Variants in MAF observed in about 807,000 individuals in gnomAD.
MAF encodes the protein transcription factor Maf.
In MAF, 10 loss-of-function variants were observed where a neutral mutation model predicts 22.0. That is an observed-to-expected ratio of 0.45 (90% CI 0.28 to 0.77). The LOEUF (loss-of-function observed/expected upper bound fraction) is 0.77. MAF is among the 30% of genes least tolerant of loss of function. MAF has a pLI of 0.12. For missense variants in MAF, 544 were observed against 548.4 expected, an observed-to-expected ratio of 0.99 and a Z score of 0.08; for synonymous variants, 337 against 255.8, an observed-to-expected ratio of 1.32 and a Z score of -3.03.
the MAF span, among the ~76,000 whole-genome samples, chr16:79,397,415 G>A: frequency 9.9e-5 from 15 of 152,270 alleles, no homozygotes; most frequent in African/African-American, 2.2e-4. Flanking sequence ...TAATGAAGTC[G>A]TGTGATATTT....
the MAF span, among the ~76,000 whole-genome samples, chr16:79,474,406 T>C: frequency 6.6e-6 from 1 of 152,170 alleles, no homozygotes; most frequent in African/African-American, 2.4e-5. Context: ...TGGTGAGAGA[T>C]GGCTGAGCAA....
the MAF span, among the ~76,000 whole-genome samples, chr16:79,264,002 G>C: frequency 2.0e-5 from 3 of 152,158 alleles, no homozygotes; most frequent in Non-Finnish European, 2.9e-5. Flanking sequence ...TGTGGCAAGA[G>C]AGCCCCAAGA....
chr16:79,400,467 C>G, the MAF span, among the ~76,000 whole-genome samples: 1 of 152,250 alleles, frequency 6.6e-6, no homozygotes, highest in African/African-American at 2.4e-5. Context: ...GCTCATAGCA[C>G]AGTGCCTGGC....
chr16:79,231,717 C>A, the MAF span, among the ~76,000 whole-genome samples: 1 of 152,010 alleles, frequency 6.6e-6, no homozygotes, highest in Non-Finnish European at 1.5e-5. Flanking sequence ...ACTGGTTTCA[C>A]GGAAGACAGT....
At chr16:79,428,494 GAGAGAGAC>G in the MAF span, among the ~76,000 whole-genome samples, 8 of 152,294 alleles carry the variant, frequency 5.3e-5, no homozygotes, top group South Asian at 2.1e-4. Flanking sequence ...CGAGGAGATA[GAGAGAGAC>G]AGAGAGACAG....
the MAF span, among the ~76,000 whole-genome samples, chr16:79,560,430 A>C: frequency 2.0e-5 from 3 of 152,072 alleles, no homozygotes; most frequent in Admixed American, 1.3e-4. Flanking sequence ...TGAAAAAAAA[A>C]AAACCTGAAC....
the MAF span, among the ~76,000 whole-genome samples, chr16:79,318,176 A>T: frequency 3.9e-5 from 6 of 152,214 alleles, no homozygotes; most frequent in African/African-American, 1.4e-4. Flanking sequence ...TCCTTGCCTT[A>T]TGAGACTCTT....
At chr16:79,438,412 T>C in the MAF span, among the ~76,000 whole-genome samples, 6 of 152,062 alleles carry the variant, frequency 3.9e-5, no homozygotes, top group Non-Finnish European at 7.4e-5. Context: ...AACTGGGGCA[T>C]GTGGGTAAGA....
At chr16:79,412,851 G>A in the MAF span, among the ~76,000 whole-genome samples, 1 of 152,334 alleles carries the variant, frequency 6.6e-6, no homozygotes, top group African/African-American at 2.4e-5. Context: ...TAATATGGGA[G>A]GAGGTGATCC....
At chr16:79,207,061 C>A in the MAF span, among the ~76,000 whole-genome samples, 1 of 152,142 alleles carries the variant, frequency 6.6e-6, no homozygotes, top group Non-Finnish European at 1.5e-5. Flanking sequence ...GTGGTTATAG[C>A]CTCTCCTGGG....
the MAF span, among the ~76,000 whole-genome samples, chr16:79,488,619 A>T: frequency 6.6e-6 from 1 of 152,114 alleles, no homozygotes; most frequent in Non-Finnish European, 1.5e-5. Context: ...TTTTATTATT[A>T]ATATTATTAC....
chr16:79,313,056 C>G, the MAF span, among the ~76,000 whole-genome samples: 1 of 152,120 alleles, frequency 6.6e-6, no homozygotes, highest in East Asian at 1.9e-4. Context: ...GTGAAGCAAC[C>G]TATGCACAGA....
chr16:79,419,698 G>T, the MAF span, among the ~76,000 whole-genome samples: 42 of 152,296 alleles, frequency 2.8e-4, no homozygotes, highest in East Asian at 7.5e-3. Context: ...TTTCATCACA[G>T]ATGCCACAAT....
chr16:79,511,351 A>C, the MAF span, among the ~76,000 whole-genome samples: 1 of 152,138 alleles, frequency 6.6e-6, no homozygotes, highest in African/African-American at 2.4e-5. Context: ...TATGTGATTT[A>C]AGAGAGAGAG....
chr16:79,353,735 G>C, the MAF span, among the ~76,000 whole-genome samples: 4 of 152,254 alleles, frequency 2.6e-5, no homozygotes, highest in African/African-American at 7.2e-5. Flanking sequence ...ATAGTATACA[G>C]TCTGCAGCCC....
At chr16:79,474,641 A>T in the MAF span, among the ~76,000 whole-genome samples, 2 of 152,210 alleles carry the variant, frequency 1.3e-5, no homozygotes, top group East Asian at 3.9e-4. Flanking sequence ...TGTCTGTCTG[A>T]TACCTCATTC....
chr16:79,346,530 T>G, the MAF span, among the ~76,000 whole-genome samples: 6 of 152,230 alleles, frequency 3.9e-5, no homozygotes, highest in Non-Finnish European at 8.8e-5. Context: ...TCTTTCACAT[T>G]TAAATCCAAA....
chr16:79,499,962 A>G, the MAF span, among the ~76,000 whole-genome samples: 1 of 152,158 alleles, frequency 6.6e-6, no homozygotes, highest in Non-Finnish European at 1.5e-5. Context: ...TATTATTGTA[A>G]GAAAGAGGCA....
At chr16:79,514,498 T>C in the MAF span, among the ~76,000 whole-genome samples, 72 of 152,334 alleles carry the variant, frequency 4.7e-4, no homozygotes, top group East Asian at 9.7e-3. Context: ...CAGTTGAGAA[T>C]TGAAGACTGT....
Sources: gnomAD v4.1 joint callset for allele counts (sites outside exome capture counted in the v4.1 genomes callset) on GRCh38, gnomAD v4.1.1 for gene constraint, MANE v1.5 for transcripts, NCBI Gene and HGNC (gene_info 2026-07-23, HGNC 2026-07-21) for gene names.